Variants in MINDY3 observed in about 807,000 individuals in gnomAD.
MINDY3 encodes ubiquitin carboxyl-terminal hydrolase MINDY-3.
Under a neutral mutation model 69.2 loss-of-function variants are expected in MINDY3, and 38 were observed. The ratio of observed to expected loss-of-function variants is 0.55; its 90% CI spans 0.42 to 0.72. The LOEUF is 0.72. Among genes scored for constraint, MINDY3 ranks in the 30% least tolerant of loss-of-function variants. MINDY3 has a pLI of 0.00. For missense variants in MINDY3, 522 were observed against 519.0 expected, an observed-to-expected ratio of 1.01 and a Z score of -0.06; for synonymous variants, 192 against 180.1, an observed-to-expected ratio of 1.07 and a Z score of -0.53.
chr10:15,829,946 G>A (rs1336906561), intron 8 of MINDY3, among the ~76,000 whole-genome samples: 2 of 152,114 alleles, frequency 1.3e-5, no homozygotes, highest in East Asian at 1.9e-4. Flanking sequence ...CCACACCCGA[G>A]GCCTCTGCTT....
At chr10:15,779,194 T>C in intron 14 of MINDY3, 53 bp from the exon 15 acceptor site, 1 of 1,534,452 alleles carries the variant, frequency 6.5e-7, no homozygotes, top group African/African-American at 1.4e-5. Context: ...AGCAAATTCT[T>C]ATGTGGAATG....
intron 10 of MINDY3, among the ~76,000 whole-genome samples, chr10:15,808,895 C>A (rs549896414): frequency 6.6e-6 from 1 of 152,122 alleles, no homozygotes; most frequent in Non-Finnish European, 1.5e-5. Context: ...ATGCTATAGG[C>A]AGGGTCCAAC....
intron 13 of MINDY3, among the ~76,000 whole-genome samples, chr10:15,783,799 T>C (rs1322952005): frequency 6.6e-6 from 1 of 152,180 alleles, no homozygotes; most frequent in Non-Finnish European, 1.5e-5. Context: ...TGCAATTAGT[T>C]ACATAATTTG....
At chr10:15,842,526 C>T (rs1833547960) in intron 3 of MINDY3, among the ~76,000 whole-genome samples, 1 of 151,482 alleles carries the variant, frequency 6.6e-6, no homozygotes, top group African/African-American at 2.4e-5. Context: ...GGAAGTGATC[C>T]CTTAACTCTT....
At chr10:15,826,032 TTAAGA>T (rs1383256812) in intron 8 of MINDY3, among the ~76,000 whole-genome samples, 1 of 152,142 alleles carries the variant, frequency 6.6e-6, no homozygotes, top group East Asian at 1.9e-4. Context: ...AAGAATTCCT[TTAAGA>T]TAAAAAAGAG....
chr10:15,835,658 A>G (rs1833023339), intron 6 of MINDY3, among the ~76,000 whole-genome samples: 1 of 152,128 alleles, frequency 6.6e-6, no homozygotes, highest in South Asian at 2.1e-4. Context: ...CGTTTTGAGC[A>G]TAAGAAAGTT....
At position 15,843,261 on chromosome 10, in the gene MINDY3, C is replaced by A. The variant is rs1564522625; in HGVS notation, c.186G>T (p.Leu62Phe). Residue 62 changes from leucine to phenylalanine, a missense_variant, in exon 3 of 15, where the codon TTG (leucine) becomes TTT (phenylalanine). Transcript: ENST00000277632. ...AVIAPVQAFL[L>F]KKLLFSSEKS... ...TCTCCGAAGAAAACAGGAGCTTCTT[C>A]AAAAGAAATGCCTTTACACAATTAA... The A allele has an allele frequency of 6.2e-7, 1 of 1,611,920 alleles. No homozygotes were observed. The highest frequency in any genetic ancestry group is 8.5e-7 in the Non-Finnish European group (1 of 1,178,194).
intron 4 of MINDY3, among the ~76,000 whole-genome samples, chr10:15,839,885 G>A (rs1833343122): frequency 6.6e-6 from 1 of 151,546 alleles, no homozygotes. Context: ...AATGTTTTCT[G>A]GAGGGTAATT....
chr10:15,851,595 G>A (rs542509066), intron 1 of MINDY3, among the ~76,000 whole-genome samples: 3 of 151,918 alleles, frequency 2.0e-5, no homozygotes, highest in African/African-American at 2.4e-5. Flanking sequence ...GCTTCAAAAC[G>A]TATCTTTAAC....
chr10:15,813,577 C>A (rs568224056), intron 10 of MINDY3, among the ~76,000 whole-genome samples: 35 of 152,254 alleles, frequency 2.3e-4, no homozygotes, highest in African/African-American at 8.2e-4. Flanking sequence ...CCATTAAGAA[C>A]AGACCCATAT....
At chr10:15,822,151 T>G (rs954364626) in intron 8 of MINDY3, among the ~76,000 whole-genome samples, 27 of 152,198 alleles carry the variant, frequency 1.8e-4, no homozygotes, top group African/African-American at 5.3e-4. Context: ...TATCATTAGG[T>G]AGCAGTGACT....
Position 15,796,946 on chromosome 10 carries a change from A to G in MINDY3, c.883-774T>C, listed in dbSNP as rs1230154460. On this transcript the variant is annotated intron_variant, in intron 10 of 14. Transcript: ENST00000277632. The stretch of plus-strand genomic sequence containing the variant: ...TGTTGTTTACCTCTGGTTAGCTTTT[A>G]CCTATAATTGTCTTTGCCTATAATG... 2.0e-5 allele frequency among the ~76,000 whole-genome samples: 3 copies of G among 152,216 alleles called. No individual in the cohort carries two copies. In the East Asian group the frequency reaches 5.8e-4, roughly 29 times the overall value.
chr10:15,821,418 G>A (rs189261177), intron 9 of MINDY3, among the ~76,000 whole-genome samples: 3 of 152,092 alleles, frequency 2.0e-5, no homozygotes, highest in Admixed American at 2.0e-4. Context: ...TTTGTACTGG[G>A]TTCTGCCCCT....
intron 4 of MINDY3, among the ~76,000 whole-genome samples, chr10:15,840,194 C>A (rs1028967140): frequency 1.2e-4 from 18 of 151,686 alleles, no homozygotes; most frequent in Non-Finnish European, 1.3e-4. Flanking sequence ...AGTGTGCTAA[C>A]ACCCACACAG....
chr10:15,825,851 T>C (rs558169523), intron 8 of MINDY3, among the ~76,000 whole-genome samples: 161 of 152,128 alleles, frequency 1.1e-3, no homozygotes, highest in African/African-American at 3.8e-3. Flanking sequence ...TTTCTTTTTA[T>C]AAAAACAAAA....
chr10:15,857,779 G>A (rs530518465), intron 1 of MINDY3: 5 of 196,810 alleles, frequency 2.5e-5, no homozygotes, highest in Non-Finnish European at 3.7e-5. Flanking sequence ...ACAACTATGT[G>A]CCACTCCTGC....
intron 6 of MINDY3, among the ~76,000 whole-genome samples, chr10:15,835,754 A>T (rs1268473080): frequency 6.6e-6 from 1 of 152,104 alleles, no homozygotes; most frequent in Non-Finnish European, 1.5e-5. Flanking sequence ...CATCTACACA[A>T]CTAAGCACTT....
intron 9 of MINDY3, among the ~76,000 whole-genome samples, chr10:15,818,751 C>T (rs1339950072): frequency 6.6e-6 from 1 of 152,182 alleles, no homozygotes; most frequent in African/African-American, 2.4e-5. Context: ...CTATATACTA[C>T]ATGATTCCAT....
intron 13 of MINDY3, 60 bp downstream of exon 13, chr10:15,786,497 GCAAA>G (rs1836974695): frequency 2.0e-6 from 2 of 1,003,762 alleles, no homozygotes; most frequent in Non-Finnish European, 1.5e-6. Context: ...AGAAAATGCT[GCAAA>G]CAATCACAGG....
Sources: allele counts gnomAD v4.1 joint callset (sites outside exome capture counted in the v4.1 genomes callset), GRCh38; gene constraint gnomAD v4.1.1; transcripts MANE v1.5; gene names NCBI Gene and HGNC (gene_info 2026-07-23, HGNC 2026-07-21).